Variants in OFD1 observed in about 807,000 individuals in gnomAD.
The protein encoded by OFD1 is OFD1 centriole and centriolar satellite protein, also known as centriole and centriolar satellite protein OFD1.
A neutral mutation model predicts 81.4 loss-of-function variants in OFD1; 12 were observed. The observed-to-expected ratio is 0.15, with a 90% CI of 0.09 to 0.24. OFD1 has a LOEUF of 0.24. OFD1 is among the 10% of genes least tolerant of loss of function. OFD1 has a pLI of 1.00. For synonymous variants in OFD1, 256 were observed against 263.7 expected (o/e 0.97, Z 0.28); for missense variants, 685 against 733.9 (o/e 0.93, Z 0.77).
At chrX:13,736,160 A>G (rs2046855723) in intron 2 of OFD1, 2 of 881,472 alleles carry the variant, frequency 2.3e-6, no homozygotes, top group South Asian at 3.3e-5. Flanking sequence ...TAATATCCCA[A>G]TCGTAAGCTG....
rs148239437 is a variant in OFD1 at position 13,760,504 on chromosome X, A to G, written c.2044A>G (p.Ile682Val). ...SLHLLEAFKN[I>V]TSSSPERHIF... ...GCACTTGCTGGAAGCCTTCAAAAACATTACTTCCAGTTCCCCGGAAAGACA... is the reference window on the plus strand; with the variant it reads ...GCACTTGCTGGAAGCCTTCAAAAACGTTACTTCCAGTTCCCCGGAAAGACA... The change falls in exon 16 of 23, where the codon ATT (isoleucine) becomes GTT (valine). Residue 682 changes from isoleucine (I) to valine (V), a missense_variant. Transcript: ENST00000340096. 8.6e-7 allele frequency: 1 copy of G among 1,168,459 alleles called. No individual in the cohort carries two copies. The highest frequency in any genetic ancestry group is 2.0e-5 in the South Asian group (1 of 49,608).
chrX:13,737,514 A>G (rs1007951440), intron 3 of OFD1, among the ~76,000 whole-genome samples: 3 of 109,982 alleles, frequency 2.7e-5, no homozygotes, highest in African/African-American at 1.0e-4. Flanking sequence ...AACATCTTGC[A>G]TCAAGGTGGT....
chrX:13,726,668 AC>A, the OFD1 span, among the ~76,000 whole-genome samples: 1 of 112,143 alleles, frequency 8.9e-6, no homozygotes, highest in Non-Finnish European at 1.9e-5. Flanking sequence ...ATTGTAAAAG[AC>A]CATTGATGCT....
At chrX:13,764,865 C>T (rs1222626710) in intron 19 of OFD1, among the ~76,000 whole-genome samples, 1 of 111,243 alleles carries the variant, frequency 9.0e-6, no homozygotes, top group Non-Finnish European at 1.9e-5. Context: ...CAAGCCCTCG[C>T]CTTCCTGGAT....
At chrX:13,764,429 T>G (rs1030564075) in intron 19 of OFD1, among the ~76,000 whole-genome samples, 1 of 112,098 alleles carries the variant, frequency 8.9e-6, no homozygotes, top group Admixed American at 9.4e-5. Context: ...ACTTCTCTTC[T>G]CTGGCCCACT....
intron 19 of OFD1, 79 bp downstream of exon 19, chrX:13,763,934 GTA>G (rs2048030478): frequency 2.6e-6 from 2 of 765,289 alleles, no homozygotes; most frequent in Middle Eastern, 3.3e-4. Flanking sequence ...ATTATTTCAT[GTA>G]TCACTGAAGT....
At chrX:13,757,915 T>C in intron 14 of OFD1, 125 bp downstream of exon 14, 1 of 787,459 alleles carries the variant, frequency 1.3e-6, no homozygotes, top group Non-Finnish European at 1.9e-6. Context: ...CCCCCAAATA[T>C]GCTAAAGGTA....
chrX:13,741,484 G>C (rs968997484), intron 5 of OFD1, among the ~76,000 whole-genome samples: 1 of 112,178 alleles, frequency 8.9e-6, no homozygotes, highest in Non-Finnish European at 1.9e-5. Flanking sequence ...GTGCTAAGCT[G>C]TTGAATGGCC....
At chrX:13,717,057 AAAAAAAAC>A in the OFD1 span, among the ~76,000 whole-genome samples, 26 of 105,689 alleles carry the variant, frequency 2.5e-4, no homozygotes, top group African/African-American at 8.9e-4. Flanking sequence ...AAAAAAAAAA[AAAAAAAAC>A]AAGATCCTGT....
rs1060500184 is a variant in OFD1, at chrX:13,736,561, A to C, written c.195A>C (p.Glu65Asp). 2 of 1,207,908 alleles carry C rather than the reference A, an allele frequency of 1.7e-6. No homozygotes were observed. Among genetic ancestry groups the C allele is most frequent in the East Asian group, 3.0e-5 (1 of 33,799 alleles). The change falls in exon 3 of 23, where the codon GAA (glutamate) becomes GAC (aspartate). Residue 65 changes from glutamate (E) to aspartate (D), a missense_variant. Coordinates refer to ENST00000340096, the MANE Select transcript of OFD1 (RefSeq NM_003611.3). ...TGCAGCCTCGGTCCATTTCAGTAGA[A>C]GGGAGCTCCCTCTTAATAGGCGCCT... ...GELQPRSISV[E>D]GSSLLIGASN...
the OFD1 span, chrX:13,719,966 T>C: frequency 8.5e-7 from 1 of 1,174,037 alleles, no homozygotes; most frequent in Non-Finnish European, 1.1e-6. Flanking sequence ...CCAGACATGG[T>C]CTTCAATATA....
In OFD1 at chrX:13,749,579, A is replaced by G. The variant is rs776212454; in HGVS notation, c.935+46A>G. The G allele has an allele frequency of 6.3e-6, 5 of 789,946 alleles. No homozygotes were observed. In the South Asian group the frequency reaches 1.1e-4, roughly 17 times the overall value. The allele number at this position is 789,946 out of a possible 1,213,427, so 65.1% of individuals were successfully genotyped here. ...TTGGATATTCAGAATGATGAGATTA[A>G]AAAGAATTACTAAATATATATCTAA... On this transcript the variant is annotated intron_variant, in intron 9 of 22. Coordinates refer to ENST00000340096, the MANE Select transcript of OFD1 (RefSeq NM_003611.3).
chrX:13,716,416 T>TA, the OFD1 span: 1 of 935,654 alleles, frequency 1.1e-6, no homozygotes, highest in Admixed American at 2.9e-5. Flanking sequence ...AATGGAAACT[T>TA]ACATTTTCAC....
chrX:13,719,230 T>C, the OFD1 span, among the ~76,000 whole-genome samples: 1 of 83,954 alleles, frequency 1.2e-5, no homozygotes, highest in Non-Finnish European at 2.3e-5. Context: ...TTAAAATATA[T>C]GGTCCATTTC....
At chrX:13,737,226 A>G (rs1180179453) in intron 3 of OFD1, among the ~76,000 whole-genome samples, 1 of 109,625 alleles carries the variant, frequency 9.1e-6, no homozygotes, top group African/African-American at 3.4e-5. Context: ...AAAAATCTGT[A>G]AAGTTCTCAA....
At position 13,746,952 on chromosome X, in the gene OFD1, A is replaced by AGGT; in HGVS notation, c.828+3_828+5dup. 1 of 1,209,108 alleles carries AGGT rather than the reference A, an allele frequency of 8.3e-7. No homozygotes were observed. The highest frequency in any genetic ancestry group is 1.1e-6 in the Non-Finnish European group (1 of 893,154). Reference sequence around the variant, plus strand: ...CTTGAAAGAATTCACAAGCACCAAGAGGTGGTATTTACAAATATTTTATGG... The same window carrying AGGT: ...CTTGAAAGAATTCACAAGCACCAAGAGGTGGTGGTATTTACAAATATTTTATGG... On this transcript the variant is annotated inframe_insertion and splice_region_variant, in exon 8 of 23. Transcript: ENST00000340096.
intron 5 of OFD1, among the ~76,000 whole-genome samples, chrX:13,741,163 C>T (rs1324843137): frequency 1.8e-5 from 2 of 111,228 alleles, no homozygotes; most frequent in East Asian, 5.6e-4. Context: ...AGTTTTTACA[C>T]AGTCTCTTTA....
intron 6 of OFD1, 86 bp downstream of exon 6, chrX:13,744,605 T>G: frequency 1.6e-6 from 1 of 625,832 alleles, no homozygotes; most frequent in East Asian, 3.5e-5. Context: ...ATTGTGTGAT[T>G]GCTCCTTGAA....
At chrX:13,735,388 A>G in intron 2 of OFD1, 42 bp downstream of exon 2, 1 of 974,078 alleles carries the variant, frequency 1.0e-6, no homozygotes. Flanking sequence ...TTACAAGTGT[A>G]ACCTGTAACA....
Sources: allele counts gnomAD v4.1 joint callset (sites outside exome capture counted in the v4.1 genomes callset), GRCh38; gene constraint gnomAD v4.1.1; transcripts MANE v1.5; gene names NCBI Gene and HGNC (gene_info 2026-07-23, HGNC 2026-07-21).